Variants in APC observed in about 807,000 individuals in gnomAD.
The protein encoded by APC is APC regulator of Wnt signaling pathway.
APC carries 72 observed loss-of-function variants against 247.0 expected under a neutral mutation model. The ratio of observed to expected loss-of-function variants is 0.29; its 90% CI spans 0.24 to 0.35. APC has a LOEUF of 0.35. Among genes scored for constraint, APC ranks in the 10% least tolerant of loss-of-function variants. The pLI, the probability that APC is intolerant of heterozygous loss-of-function variation, is 1.00. For missense variants in APC, 3,400 were observed against 3,360.7 expected (o/e 1.01, Z -0.29); for synonymous variants, 1,254 against 1,162.5 (o/e 1.08, Z -1.60).
chr5:112,828,254 T>C (rs1186040238), intron 13 of APC, among the ~76,000 whole-genome samples: 1 of 152,112 alleles, frequency 6.6e-6, no homozygotes, highest in Non-Finnish European at 1.5e-5. Context: ...TCAAGCAATC[T>C]GCCCACCTCA....
chr5:112,707,984 C>G lies in APC; in HGVS notation c.165+102C>G, dbSNP rs1022760152. ...TACGGTGCTCGGCCCGACTCTGTGG[C>G]TCTCTTCTCTCCATGTCTCACCCTC... On this transcript the variant is annotated intron_variant, in intron 1 of 13. Coordinates refer to the APC transcript ENST00000507379. 3 of 1,166,268 alleles carry G rather than the reference C, an allele frequency of 2.6e-6. No individual in the cohort carries two copies. The African/African-American group carries it at 4.7e-5, about 18-fold the overall frequency. The allele number at this position is 1,166,268 out of a possible 1,614,324, so 72.2% of individuals were successfully genotyped here.
At chr5:112,836,165 T>TTCCCCC (rs1554083526) in intron 15 of APC, among the ~76,000 whole-genome samples, 437 of 24,424 alleles carry the variant, frequency 0.018, 22 homozygotes, top group Middle Eastern at 0.045. Flanking sequence ...GGATTACAGG[T>TTCCCCC]CCCCCCCCCC....
chr5:112,738,151 G>A (rs1384101450), intron 1 of APC, among the ~76,000 whole-genome samples: 1 of 152,136 alleles, frequency 6.6e-6, no homozygotes, highest in African/African-American at 2.4e-5. Flanking sequence ...GAAGGGGGAG[G>A]GGTAGAAGTG....
chr5:112,805,961 C>T (rs998725815), intron 8 of APC, among the ~76,000 whole-genome samples: 19 of 152,164 alleles, frequency 1.2e-4, no homozygotes, highest in Non-Finnish European at 2.4e-4. Flanking sequence ...GTAACCTGGC[C>T]CCTACCTATC....
In APC at chr5:112,841,206, ATGT is replaced by A. The variant is rs1580661856; in HGVS notation, c.5615_5617del (p.Val1872del). On this transcript the variant is annotated inframe_deletion, in exon 16 of 16. Coordinates refer to ENST00000257430, the MANE Select transcript of APC (RefSeq NM_000038.6). This position sits in a 1 kb window ranked among gnomAD's most constrained non-coding sequence, Gnocchi z 4.6. The stretch of plus-strand genomic sequence containing the variant: ...AGTTCTCTAGATTTTGATGATGATG[ATGT>A]TGACCTTTCCAGGGAAAAGGCTGAA... 1 of 1,613,928 alleles carries A rather than the reference ATGT, an allele frequency of 6.2e-7. No individual in the cohort carries two copies. The highest frequency in any genetic ancestry group is 8.5e-7 in the Non-Finnish European group (1 of 1,179,862).
chr5:112,731,988 C>G (rs1182106011), intron 1 of APC, among the ~76,000 whole-genome samples: 1 of 152,224 alleles, frequency 6.6e-6, no homozygotes, highest in African/African-American at 2.4e-5. Flanking sequence ...TCTCAAACTC[C>G]TGGCCTCAAG....
intron 10 of APC, among the ~76,000 whole-genome samples, chr5:112,820,910 G>A (rs1331372838): frequency 4.6e-5 from 7 of 152,148 alleles, no homozygotes; most frequent in South Asian, 4.1e-4. Flanking sequence ...CGCCCAGACT[G>A]TAATGCAGTG....
intron 8 of APC, among the ~76,000 whole-genome samples, chr5:112,810,872 A>G (rs947683481): frequency 1.3e-5 from 2 of 152,190 alleles, no homozygotes; most frequent in Non-Finnish European, 2.9e-5. Flanking sequence ...TAAAAATACA[A>G]AACTTAGCCA....
intron 1 of APC, among the ~76,000 whole-genome samples, chr5:112,713,061 C>T (rs1750950857): frequency 6.6e-6 from 1 of 151,678 alleles, no homozygotes; most frequent in Non-Finnish European, 1.5e-5. Flanking sequence ...ATCCCCACTA[C>T]TCAGGAGGCT....
At chr5:112,802,088 G>A (rs1441785656) in intron 8 of APC, among the ~76,000 whole-genome samples, 1 of 152,010 alleles carries the variant, frequency 6.6e-6, no homozygotes, top group African/African-American at 2.4e-5. Context: ...GAGTGTAAAT[G>A]AATGACTTTT....
At chr5:112,793,166 G>A (rs1385001193) in intron 7 of APC, among the ~76,000 whole-genome samples, 1 of 152,162 alleles carries the variant, frequency 6.6e-6, no homozygotes, top group Non-Finnish European at 1.5e-5. Context: ...ACCCTGTACA[G>A]CTAGGTGACT....
At chr5:112,714,445 A>C (rs1015783278) in intron 1 of APC, among the ~76,000 whole-genome samples, 4 of 152,256 alleles carry the variant, frequency 2.6e-5, no homozygotes, top group Non-Finnish European at 5.9e-5. Flanking sequence ...CTTAAACAAA[A>C]AAAGGGACTG....
chr5:112,844,287 T>C lies in APC; in HGVS notation c.*161T>C. On this transcript the variant is annotated 3_prime_UTR_variant, in exon 16 of 16. Transcript: ENST00000257430. ...GGAAGCCATATTTGATAGTATACTT[T>C]GTCTTCACTGGTCTTATTTTGGGAG... is the stretch of plus-strand genomic sequence containing the variant. 1 of 680,112 alleles carries C rather than the reference T, an allele frequency of 1.5e-6. No homozygotes were observed. The highest frequency in any genetic ancestry group is 2.4e-6 in the Non-Finnish European group (1 of 415,388). 42.1% of individuals were successfully genotyped at this position (680,112 alleles called of 1,614,324 possible).
intron 5 of APC, among the ~76,000 whole-genome samples, chr5:112,778,917 A>G (rs1477782239): frequency 1.3e-5 from 2 of 152,224 alleles, no homozygotes; most frequent in East Asian, 1.9e-4. Context: ...TTCATTTTCT[A>G]CTACTACTTT....
upstream of APC, chr5:112,707,506 G>A (rs930090983): frequency 1.3e-5 from 6 of 454,052 alleles, no homozygotes; most frequent in African/African-American, 1.2e-4. Context: ...GCGCATTGTA[G>A]TCTTCCCACC....
At chr5:112,762,566 T>C (rs1361232169) in intron 2 of APC, among the ~76,000 whole-genome samples, 3 of 152,156 alleles carry the variant, frequency 2.0e-5, no homozygotes, top group Non-Finnish European at 4.4e-5. Context: ...ACAGATACTA[T>C]GTTGAACAAA....
chr5:112,814,272 C>T lies in APC; in HGVS notation c.835-1223C>T, dbSNP rs74796412. Reference sequence around the variant, plus strand: ...ATTTTGATAGGTCCCAGTTATTTATCTGCAACCCCACCTCCTGTCCAGAGT... The same window carrying T: ...ATTTTGATAGGTCCCAGTTATTTATTTGCAACCCCACCTCCTGTCCAGAGT... On this transcript the variant is annotated intron_variant, in intron 8 of 15. Transcript: ENST00000257430. Among the ~76,000 whole-genome samples the T allele has an allele frequency of 3.3e-4, 51 of 152,294 alleles. No homozygotes were observed. The East Asian group carries it at 9.4e-3, about 28-fold the overall frequency.
chr5:112,797,840 T>C (rs1580442922), intron 7 of APC, among the ~76,000 whole-genome samples: 1 of 152,182 alleles, frequency 6.6e-6, no homozygotes, highest in South Asian at 2.1e-4. Context: ...CATGAAAATA[T>C]GCTCAATCAT....
intron 9 of APC, among the ~76,000 whole-genome samples, chr5:112,816,078 A>C (rs1762481881): frequency 6.6e-6 from 1 of 152,206 alleles, no homozygotes; most frequent in African/African-American, 2.4e-5. Context: ...AAACTGGCTC[A>C]CTTCCTGCTT....
Sources: gnomAD v4.1 joint callset for allele counts (sites outside exome capture counted in the v4.1 genomes callset) on GRCh38, gnomAD v4.1.1 for gene constraint, Gnocchi (gnomAD v3.1) non-coding constraint, MANE v1.5 for transcripts, NCBI Gene and HGNC (gene_info 2026-07-23, HGNC 2026-07-21) for gene names.